Variants in KIF13B observed in about 807,000 individuals in gnomAD.
KIF13B encodes the protein kinesin-like protein KIF13B.
KIF13B carries 127 observed loss-of-function variants against 222.0 expected under a neutral mutation model. The observed-to-expected ratio is 0.57, with a 90% confidence interval of 0.50 to 0.66. KIF13B has a LOEUF of 0.66. Ranked by LOEUF, KIF13B falls within the 30% of genes least tolerant of loss-of-function variation. The pLI, the probability that KIF13B is intolerant of heterozygous loss-of-function variation, is 0.00. For synonymous variants in KIF13B, 976 were observed against 919.0 expected, an observed-to-expected ratio of 1.06 and a Z score of -1.12; for missense variants, 2,173 against 2,379.0, an observed-to-expected ratio of 0.91 and a Z score of 1.80.
chr8:29,241,527 T>C (rs890851176), intron 2 of KIF13B, among the ~76,000 whole-genome samples: 2 of 151,902 alleles, frequency 1.3e-5, no homozygotes, highest in African/African-American at 4.8e-5. Flanking sequence ...TTTCAGAGAG[T>C]CTGGAGGTTG....
intron 32 of KIF13B, among the ~76,000 whole-genome samples, chr8:29,111,058 T>C (rs1423344293): frequency 6.6e-6 from 1 of 152,214 alleles, no homozygotes; most frequent in Admixed American, 6.5e-5. Context: ...TTAGAACAGA[T>C]AAAATGTGGG....
intron 5 of KIF13B, 27 bp downstream of exon 5, chr8:29,188,488 A>T: frequency 1.5e-6 from 2 of 1,312,574 alleles, no homozygotes; most frequent in Middle Eastern, 1.9e-4. Context: ...ATGGTTGTTT[A>T]TGTGATTTCA....
At position 29,223,282 on chromosome 8, in the gene KIF13B, GC is replaced by G. The variant is rs556887914; in HGVS notation, c.149+22063del. On this transcript the variant is annotated intron_variant, in intron 2 of 39. Coordinates refer to ENST00000524189, the MANE Select transcript of KIF13B (RefSeq NM_015254.4). ...GCTCAGGAGGTCAAGGCTACAGTGA[GC>G]CCCGATCACACCACTGCACTCCAGC... Among the ~76,000 whole-genome samples the G allele has an allele frequency of 4.7e-4, 64 of 135,434 alleles. No individual in the cohort carries two copies. In the East Asian group the frequency reaches 0.012, roughly 26 times the overall value. The allele number at this position is 135,434 out of a possible 152,430, so 88.8% of individuals were successfully genotyped here.
intron 34 of KIF13B, 95 bp from the exon 35 acceptor site, chr8:29,108,287 G>T: frequency 2.6e-6 from 3 of 1,172,324 alleles, no homozygotes; most frequent in Non-Finnish European, 3.7e-6. Flanking sequence ...TCAACCGAAC[G>T]TCAAAGTTGG....
intron 21 of KIF13B, among the ~76,000 whole-genome samples, chr8:29,137,727 C>T (rs1044852063): frequency 1.1e-4 from 17 of 152,188 alleles, no homozygotes; most frequent in Non-Finnish European, 2.5e-4. Flanking sequence ...AAAACCACTT[C>T]CCACTGAAAG....
chr8:29,250,313 T>C (rs940621295), intron 1 of KIF13B, among the ~76,000 whole-genome samples: 37 of 152,212 alleles, frequency 2.4e-4, no homozygotes, highest in African/African-American at 8.4e-4. Context: ...TTATCTTCAA[T>C]TAAGAAGGCA....
chr8:29,210,956 C>G (rs1780225615), intron 2 of KIF13B, among the ~76,000 whole-genome samples: 1 of 152,124 alleles, frequency 6.6e-6, no homozygotes, highest in African/African-American at 2.4e-5. Context: ...TGGTTTGTGT[C>G]CTTCATGGAG....
At chr8:29,178,471 G>C (rs1812574046) in intron 8 of KIF13B, among the ~76,000 whole-genome samples, 2 of 151,842 alleles carry the variant, frequency 1.3e-5, no homozygotes, top group Admixed American at 1.3e-4. Context: ...TTCTTATCAA[G>C]CACATACATG....
chr8:29,125,688 A>G (rs1810076157), intron 26 of KIF13B, among the ~76,000 whole-genome samples: 1 of 152,152 alleles, frequency 6.6e-6, no homozygotes. Flanking sequence ...GATGACTAAC[A>G]GATGAAACTG....
chr8:29,112,944 T>G (rs1809423659), intron 32 of KIF13B, among the ~76,000 whole-genome samples: 1 of 152,158 alleles, frequency 6.6e-6, no homozygotes, highest in African/African-American at 2.4e-5. Context: ...ATAATAATCA[T>G]AGTAACAACG....
Position 29,155,771 on chromosome 8 carries a change from A to T in KIF13B, c.1490T>A (p.Ile497Asn). 5 of 1,602,878 alleles carry T rather than the reference A, an allele frequency of 3.1e-6. No homozygotes were observed. Among genetic ancestry groups the T allele is most frequent in the Non-Finnish European group, 4.3e-6 (5 of 1,173,878 alleles). Residue 497 changes from isoleucine to asparagine, a missense_variant, in exon 14 of 40, where the codon ATC becomes AAC. By Grantham distance (149) the Ile-to-Asn change is moderately radical. Coordinates refer to ENST00000524189, the MANE Select transcript of KIF13B (RefSeq NM_015254.4). The part of the protein sequence containing the change: ...GILPEHCIID[I>N]TSEGQVMLTP... Reference sequence around the variant, plus strand: ...CAGCATAACCTGGCCTTCTGACGTGATGTCTATAATACAGTGTTCAGGAAG... The same window carrying T: ...CAGCATAACCTGGCCTTCTGACGTGTTGTCTATAATACAGTGTTCAGGAAG...
intron 36 of KIF13B, among the ~76,000 whole-genome samples, chr8:29,093,479 A>C (rs1808390901): frequency 6.6e-6 from 1 of 152,222 alleles, no homozygotes; most frequent in African/African-American, 2.4e-5. Flanking sequence ...CTTATGATAT[A>C]CTAAGACTTC....
In KIF13B at chr8:29,070,793, G is replaced by C. The variant is rs1354948821; in HGVS notation, c.5219-27C>G. 3.2e-6 allele frequency: 5 copies of C among 1,577,436 alleles called. No homozygotes were observed. In the East Asian group the frequency reaches 1.2e-4, roughly 37 times the overall value. On this transcript the variant is annotated intron_variant, in intron 39 of 39. Coordinates refer to ENST00000524189, the MANE Select transcript of KIF13B (RefSeq NM_015254.4). This position sits in a 1 kb window ranked among gnomAD's most constrained non-coding sequence, Gnocchi z 4.1. ...TGCGGGGGAAGGAGAGGGTGATATGGAGGGCAGCCGAGCTGCAGACGGCCC... is the reference window on the plus strand; with the variant it reads ...TGCGGGGGAAGGAGAGGGTGATATGCAGGGCAGCCGAGCTGCAGACGGCCC...
In KIF13B at chr8:29,180,369, T is replaced by C. The variant is rs185148690; in HGVS notation, c.586-131A>G. On this transcript the variant is annotated intron_variant, in intron 7 of 39. Coordinates refer to ENST00000524189, the MANE Select transcript of KIF13B (RefSeq NM_015254.4). ...ACATTTGGAGTTAACATTTTGTTTC[T>C]CAATGAATATTGAGCCCCATGGAGT... 105 of 918,674 alleles carry C rather than the reference T, an allele frequency of 1.1e-4. 1 individual carries two copies. The highest frequency in any genetic ancestry group is 6.1e-4 in the South Asian group (40 of 65,780). 56.9% of individuals were successfully genotyped at this position (918,674 alleles called of 1,614,324 possible). A position where few individuals can be genotyped will look rare whatever the true frequency, so the allele number is the denominator to read the frequency against.
intron 2 of KIF13B, among the ~76,000 whole-genome samples, chr8:29,238,226 C>T (rs1815599521): frequency 6.6e-6 from 1 of 152,170 alleles, no homozygotes; most frequent in Admixed American, 6.5e-5. Context: ...TGATGCCTTC[C>T]ACTAACAAGG....
chr8:29,158,536 C>T (rs1811636105), intron 13 of KIF13B, among the ~76,000 whole-genome samples: 1 of 152,198 alleles, frequency 6.6e-6, no homozygotes, highest in Non-Finnish European at 1.5e-5. Flanking sequence ...TAATCCAATG[C>T]CTTCACTTAC....
intron 1 of KIF13B, 39 bp downstream of exon 1, chr8:29,262,941 C>T (rs748769472): frequency 5.9e-6 from 9 of 1,522,508 alleles, no homozygotes; most frequent in South Asian, 2.5e-5. Flanking sequence ...AGGCACCTGC[C>T]GCCTCCGCCC....
chr8:29,127,173 T>C lies in KIF13B; in HGVS notation c.3171A>G (p.Gly1057=). 2.5e-6 allele frequency: 4 copies of C among 1,613,968 alleles called. No homozygotes were observed. Among genetic ancestry groups the C allele is most frequent in the Non-Finnish European group, 3.4e-6 (4 of 1,179,854 alleles). ...MEECILSVGI[G]CVKVRPLRAP... is the part of the protein sequence containing the mutation. Reference sequence around the variant, plus strand: ...CTCTGAGCGGTCTAACTTTGACACATCCAATGCCAACAGACAGTATACATT... The same window carrying C: ...CTCTGAGCGGTCTAACTTTGACACACCCAATGCCAACAGACAGTATACATT... Residue 1057 remains glycine (G), a synonymous_variant, in exon 25 of 40, where the codon GGA becomes GGG. Coordinates refer to ENST00000524189, the MANE Select transcript of KIF13B (RefSeq NM_015254.4).
At chr8:29,159,076 T>G (rs1209993510) in intron 13 of KIF13B, among the ~76,000 whole-genome samples, 1 of 152,204 alleles carries the variant, frequency 6.6e-6, no homozygotes, top group Non-Finnish European at 1.5e-5. Flanking sequence ...CCGGTCACAT[T>G]CATATGAATA....
Sources: gnomAD v4.1 joint callset for allele counts (sites outside exome capture counted in the v4.1 genomes callset) on GRCh38, gnomAD v4.1.1 for gene constraint, Gnocchi (gnomAD v3.1) non-coding constraint, MANE v1.5 for transcripts, NCBI Gene and HGNC (gene_info 2026-07-23, HGNC 2026-07-21) for gene names.